The following DLGAP2 variants were observed in gnomAD, a reference collection of about 807,000 sequenced individuals.
DLGAP2 encodes the protein DLG associated protein 2.
In DLGAP2, 26 loss-of-function variants were observed where a neutral mutation model predicts 100.3. The ratio of observed to expected loss-of-function variants is 0.26; its 90% CI spans 0.19 to 0.36. The LOEUF (loss-of-function observed/expected upper bound fraction) is 0.36, where lower values mean the gene tolerates loss of function less well. DLGAP2 is among the 10% of genes least tolerant of loss of function. DLGAP2 has a pLI of 1.00. For missense variants in DLGAP2, 1,858 were observed against 1,453.2 expected, an observed-to-expected ratio of 1.28 and a Z score of -4.53; for synonymous variants, 886 against 630.1, an observed-to-expected ratio of 1.41 and a Z score of -6.08.
intron 6 of DLGAP2, among the ~76,000 whole-genome samples, chr8:1,575,775 A>C (rs1802945242): frequency 6.6e-6 from 1 of 151,618 alleles, no homozygotes; most frequent in African/African-American, 2.4e-5. Flanking sequence ...AGCTTCATCC[A>C]TGTCCCTACA....
chr8:1,590,625 A>AAT (rs1796262126), intron 6 of DLGAP2, among the ~76,000 whole-genome samples: 1 of 152,222 alleles, frequency 6.6e-6, no homozygotes, highest in Non-Finnish European at 1.5e-5. Context: ...AATAAAGAGA[A>AAT]ATGTGTACTC....
At position 1,512,062 on chromosome 8, in the gene DLGAP2, G is replaced by A. The variant is rs183845283; in HGVS notation, c.172+10631G>A. 2.1e-3 allele frequency among the ~76,000 whole-genome samples: 322 copies of A among 152,322 alleles called. 5 individuals carry two copies. Among genetic ancestry groups the A allele is most frequent in the Non-Finnish European group, 2.1e-3 (140 of 68,018 alleles). On this transcript the variant is annotated intron_variant, in intron 4 of 14. Coordinates refer to ENST00000637795, the MANE Select transcript of DLGAP2 (RefSeq NM_001346810.2). ...GTCTCCCTGAGAACGGTGTTCCTCA[G>A]CCCTGTGACGCATCAGCCCAGGTAG...
At chr8:1,135,239 ATG>A (rs1424994462) in intron 2 of DLGAP2, among the ~76,000 whole-genome samples, 10 of 152,148 alleles carry the variant, frequency 6.6e-5, no homozygotes, top group Admixed American at 6.5e-5. Context: ...TAACAAATAC[ATG>A]TCAGTTAGTA....
intron 3 of DLGAP2, chr8:1,297,166 A>T (rs1800200115): frequency 6.6e-6 from 1 of 152,268 alleles, no homozygotes; most frequent in Non-Finnish European, 1.5e-5. Flanking sequence ...GCAATGCGGC[A>T]AGAATGCAAT....
chr8:1,308,082 G>C (rs58347888), intron 3 of DLGAP2, among the ~76,000 whole-genome samples: 3,968 of 152,296 alleles, frequency 0.026, 60 homozygotes, highest in Middle Eastern at 0.051. Context: ...CCAGGTCAAT[G>C]TGCGTGTTCA....
intron 1 of DLGAP2, among the ~76,000 whole-genome samples, chr8:810,800 C>T (rs2132670123): frequency 6.6e-6 from 1 of 152,322 alleles, no homozygotes; most frequent in South Asian, 2.1e-4. Context: ...CATGCCAGAG[C>T]TCAATTTCTG....
chr8:1,552,234 C>G (rs973392287), intron 5 of DLGAP2, among the ~76,000 whole-genome samples: 2 of 152,202 alleles, frequency 1.3e-5, no homozygotes, highest in East Asian at 1.9e-4. Flanking sequence ...CCCGGAGGAT[C>G]GGAGGATAGA....
intron 3 of DLGAP2, among the ~76,000 whole-genome samples, chr8:1,492,182 C>A (rs956746504): frequency 1.3e-5 from 2 of 152,168 alleles, no homozygotes; most frequent in African/African-American, 2.4e-5. Flanking sequence ...AAATTACGAT[C>A]ATTTCTATGG....
chr8:1,496,500 A>G (rs1189908659), intron 3 of DLGAP2, among the ~76,000 whole-genome samples: 3 of 152,006 alleles, frequency 2.0e-5, no homozygotes, highest in African/African-American at 7.3e-5. Flanking sequence ...CTCAAGGCGC[A>G]CTGCCCGAGT....
chr8:917,302 A>T (rs2129000731), intron 2 of DLGAP2, among the ~76,000 whole-genome samples: 1 of 145,804 alleles, frequency 6.9e-6, no homozygotes, highest in East Asian at 2.2e-4. Flanking sequence ...GCAGTGGTGC[A>T]ACCACAGTTC....
intron 2 of DLGAP2, among the ~76,000 whole-genome samples, chr8:1,192,678 AATT>A (rs1797665315): frequency 8.9e-6 from 1 of 111,868 alleles, no homozygotes; most frequent in African/African-American, 3.8e-5. Context: ...TTTTTTTTTT[AATT>A]ATTATTATAC....
At chr8:1,275,465 G>A (rs1029418078) in intron 3 of DLGAP2, among the ~76,000 whole-genome samples, 2 of 151,656 alleles carry the variant, frequency 1.3e-5, no homozygotes, top group East Asian at 1.9e-4. Context: ...GGGGCCATCC[G>A]GAGATGACTT....
chr8:1,026,647 A>G (rs28657523), intron 2 of DLGAP2, among the ~76,000 whole-genome samples: 16,163 of 152,306 alleles, frequency 0.11, 1,188 homozygotes, highest in Non-Finnish European at 0.16. Flanking sequence ...AAGAAGTTAT[A>G]TTACTCTGTA....
At chr8:1,100,691 G>C (rs931416264) in intron 2 of DLGAP2, among the ~76,000 whole-genome samples, 17 of 152,162 alleles carry the variant, frequency 1.1e-4, no homozygotes, top group Admixed American at 2.0e-4. Flanking sequence ...GTGTGAACTT[G>C]GCGCGCCTGT....
chr8:1,231,918 G>C lies in DLGAP2; in HGVS notation c.74-26933G>C, dbSNP rs992962172. Among the ~76,000 whole-genome samples the C allele has an allele frequency of 2.6e-5, 4 of 152,104 alleles. No homozygotes were observed. In the South Asian group the frequency reaches 8.3e-4, roughly 32 times the overall value. ...TCTCAGCATCCTACAATAGACCCAG[G>C]TAACAAACCTGCACATGTACCCCTG... On this transcript the variant is annotated intron_variant, in intron 2 of 14. Coordinates refer to ENST00000637795, the MANE Select transcript of DLGAP2 (RefSeq NM_001346810.2).
chr8:934,830 C>T (rs1218492883), intron 2 of DLGAP2, among the ~76,000 whole-genome samples: 12 of 152,142 alleles, frequency 7.9e-5, no homozygotes, highest in Admixed American at 7.2e-4. Context: ...AGATCAGACG[C>T]ACAGGTGTTC....
chr8:1,168,038 C>G (rs1279555632), intron 2 of DLGAP2, among the ~76,000 whole-genome samples: 1 of 118,352 alleles, frequency 8.4e-6, no homozygotes, highest in South Asian at 3.9e-4. Context: ...CCCCTCCCCC[C>G]ACCCCACAAC....
intron 4 of DLGAP2, among the ~76,000 whole-genome samples, chr8:1,517,096 G>T (rs1253210590): frequency 6.6e-6 from 1 of 152,102 alleles, no homozygotes; most frequent in African/African-American, 2.4e-5. Flanking sequence ...GCAGCCTCAA[G>T]GTCCAAGTCT....
chr8:1,292,336 T>A (rs1800076648), intron 3 of DLGAP2, among the ~76,000 whole-genome samples: 1 of 152,150 alleles, frequency 6.6e-6, no homozygotes, highest in South Asian at 2.1e-4. Flanking sequence ...TCTGACATCC[T>A]GTGGATCATG....
Sources: gnomAD v4.1 joint callset for allele counts (sites outside exome capture counted in the v4.1 genomes callset) on GRCh38, gnomAD v4.1.1 for gene constraint, MANE v1.5 for transcripts, NCBI Gene and HGNC (gene_info 2026-07-23, HGNC 2026-07-21) for gene names.